Variants in RAB3C observed in about 807,000 individuals in gnomAD.
RAB3C encodes ras-related protein Rab-3C.
Under a neutral mutation model 26.4 loss-of-function variants are expected in RAB3C, and 17 were observed. The observed-to-expected ratio is 0.64, with a 90% CI of 0.44 to 0.97. The LOEUF (loss-of-function observed/expected upper bound fraction) is 0.97. Ranked by LOEUF, RAB3C falls within the 50% of genes least tolerant of loss-of-function variation. RAB3C has a pLI of 0.00. For synonymous variants in RAB3C, 91 were observed against 95.9 expected, an observed-to-expected ratio of 0.95 and a Z score of 0.30; for missense variants, 242 against 281.9, an observed-to-expected ratio of 0.86 and a Z score of 1.01.
At chr5:58,680,257 T>C (rs1018209124) in intron 2 of RAB3C, among the ~76,000 whole-genome samples, 3 of 152,136 alleles carry the variant, frequency 2.0e-5, no homozygotes, top group Non-Finnish European at 4.4e-5. Flanking sequence ...TCCTTTGAGA[T>C]CCTAGAATCT....
intron 3 of RAB3C, among the ~76,000 whole-genome samples, chr5:58,770,729 C>T (rs1026096174): frequency 6.6e-6 from 1 of 152,060 alleles, no homozygotes; most frequent in African/African-American, 2.4e-5. Context: ...TACCAAACAA[C>T]ACAGTCTGGG....
At chr5:58,597,741 ATAATACATTATATATAAGTATATAAC>A (rs1746353786) in intron 1 of RAB3C, among the ~76,000 whole-genome samples, 1 of 123,310 alleles carries the variant, frequency 8.1e-6, no homozygotes, top group Non-Finnish European at 1.6e-5. Context: ...TATATAACAT[ATAATACATTATATATAAGTATATAAC>A]ATATAATACA....
chr5:58,662,045 G>C (rs1428883131), intron 2 of RAB3C, among the ~76,000 whole-genome samples: 1 of 150,002 alleles, frequency 6.7e-6, no homozygotes, highest in Non-Finnish European at 1.5e-5. Context: ...GGAGTGATGA[G>C]ATCTTTTTTA....
chr5:58,636,887 A>C (rs1041076101), intron 2 of RAB3C, among the ~76,000 whole-genome samples: 1 of 152,170 alleles, frequency 6.6e-6, no homozygotes, highest in Admixed American at 6.5e-5. Context: ...TGCATTTGTA[A>C]AATTTTTGCA....
rs1177615164 is a variant in RAB3C at position 58,685,583 on chromosome 5, T to C, written c.253-40419T>C. On this transcript the variant is annotated intron_variant, in intron 2 of 4. Transcript: ENST00000282878. ...TCCAGGAAATAGGATGTATACATCC[T>C]TGGGGTATTTTTCAGCCTGCAACAG... 2.6e-5 allele frequency among the ~76,000 whole-genome samples: 4 copies of C among 152,324 alleles called. No individual in the cohort carries two copies. The East Asian group carries it at 7.7e-4, about 29-fold the overall frequency.
At chr5:58,627,895 C>G (rs140779871) in intron 2 of RAB3C, among the ~76,000 whole-genome samples, 1 of 152,160 alleles carries the variant, frequency 6.6e-6, no homozygotes, top group Non-Finnish European at 1.5e-5. Context: ...CAAAGGCTCA[C>G]GCATGTAATC....
intron 3 of RAB3C, among the ~76,000 whole-genome samples, chr5:58,726,890 C>G (rs1278900748): frequency 6.6e-6 from 1 of 151,910 alleles, no homozygotes; most frequent in East Asian, 1.9e-4. Flanking sequence ...CCAGTGAGAT[C>G]TGGTCATGAG....
rs71604764 is a variant in RAB3C, at chr5:58,756,387, C to CATATATATAT, written c.371+30276_371+30285dup. The stretch of plus-strand genomic sequence containing the variant: ...ACATATATATATAACTACTATATAA[C>CATATATATAT]ATATATATATATATATATGTATGTT... On this transcript the variant is annotated intron_variant, in intron 3 of 4. Transcript: ENST00000282878. 8.4e-3 allele frequency among the ~76,000 whole-genome samples: 1,115 copies of CATATATATAT among 132,026 alleles called. 6 individuals are homozygous for CATATATATAT. Among genetic ancestry groups the CATATATATAT allele is most frequent in the Non-Finnish European group, 0.012 (735 of 63,102 alleles). 86.6% of individuals were successfully genotyped at this position (132,026 alleles called of 152,430 possible).
intron 1 of RAB3C, among the ~76,000 whole-genome samples, chr5:58,592,425 T>C (rs1746153373): frequency 6.6e-6 from 1 of 152,180 alleles, no homozygotes; most frequent in African/African-American, 2.4e-5. Context: ...AATAAAGTTT[T>C]ATAATTTTAG....
chr5:58,803,639 A>G (rs939775033), intron 3 of RAB3C, among the ~76,000 whole-genome samples: 5 of 152,176 alleles, frequency 3.3e-5, no homozygotes, highest in African/African-American at 1.2e-4. Context: ...GAGGTGGGTG[A>G]TTGATTGTGC....
At chr5:58,630,175 C>A (rs1420215468) in intron 2 of RAB3C, among the ~76,000 whole-genome samples, 1 of 152,210 alleles carries the variant, frequency 6.6e-6, no homozygotes. Flanking sequence ...CTCTGTAATG[C>A]ATTGGTTTTA....
In RAB3C at chr5:58,739,177, G is replaced by C. The variant is rs1406752436; in HGVS notation, c.371+13057G>C. 3.3e-5 allele frequency among the ~76,000 whole-genome samples: 5 copies of C among 152,182 alleles called. No individual in the cohort carries two copies. The East Asian group carries it at 9.6e-4, about 29-fold the overall frequency. ...CCATCGTGAATACACTGTCCATCAA[G>C]TCTGCTTCCTAACCTCAGCCAATGT... On this transcript the variant is annotated intron_variant, in intron 3 of 4. Transcript: ENST00000282878.
At chr5:58,675,861 T>A (rs540987653) in intron 2 of RAB3C, among the ~76,000 whole-genome samples, 1 of 152,132 alleles carries the variant, frequency 6.6e-6, no homozygotes, top group Non-Finnish European at 1.5e-5. Context: ...TGGCGTCAGC[T>A]TTCCCCTCTG....
At chr5:58,809,385 G>GAAA (rs34954956) in intron 3 of RAB3C, among the ~76,000 whole-genome samples, 8 of 115,014 alleles carry the variant, frequency 7.0e-5, no homozygotes, top group African/African-American at 2.2e-4. Context: ...CTTTTTCTCA[G>GAAA]AAAAAAAAAA....
At chr5:58,844,361 A>C (rs1400857890) in intron 4 of RAB3C, among the ~76,000 whole-genome samples, 3 of 152,204 alleles carry the variant, frequency 2.0e-5, no homozygotes, top group Non-Finnish European at 4.4e-5. Context: ...AGGGGCTGAA[A>C]TACCATTTTT....
rs1748175587 is a variant in RAB3C at position 58,674,042 on chromosome 5, G to A, written c.253-51960G>A. Among the ~76,000 whole-genome samples the A allele has an allele frequency of 2.0e-5, 3 of 152,186 alleles. No homozygotes were observed. The South Asian group carries it at 6.2e-4, about 31-fold the overall frequency. ...ACAATGATAGTACAGGCAAGTTGCA[G>A]AATAGATAAGAGTAAGTTTGGGAGG... On this transcript the variant is annotated intron_variant, in intron 2 of 4. Coordinates refer to ENST00000282878, the MANE Select transcript of RAB3C (RefSeq NM_138453.4).
chr5:58,827,722 C>G (rs1013540689), intron 4 of RAB3C, among the ~76,000 whole-genome samples: 1 of 152,176 alleles, frequency 6.6e-6, no homozygotes, highest in Non-Finnish European at 1.5e-5. Flanking sequence ...GTCATAGCAA[C>G]CAACACATGT....
At chr5:58,829,081 T>A (rs1206523603) in intron 4 of RAB3C, among the ~76,000 whole-genome samples, 1 of 151,786 alleles carries the variant, frequency 6.6e-6, no homozygotes, top group East Asian at 1.9e-4. Context: ...TTTTTTGTAT[T>A]TTTAGTAGAG....
chr5:58,608,316 A>G (rs1183555341), intron 1 of RAB3C, among the ~76,000 whole-genome samples: 2 of 152,220 alleles, frequency 1.3e-5, no homozygotes, highest in African/African-American at 4.8e-5. Flanking sequence ...TCTACAAAGA[A>G]TCTACAAAGA....
Sources: gnomAD v4.1 joint callset for allele counts (sites outside exome capture counted in the v4.1 genomes callset) on GRCh38, gnomAD v4.1.1 for gene constraint, MANE v1.5 for transcripts, NCBI Gene and HGNC (gene_info 2026-07-23, HGNC 2026-07-21) for gene names.